The following TJP1 variants were observed in gnomAD, a reference collection of about 807,000 sequenced individuals.
TJP1 encodes tight junction protein 1, also known as tight junction protein ZO-1.
TJP1 carries 43 observed loss-of-function variants against 194.2 expected under a neutral mutation model. The observed-to-expected ratio is 0.22, with a 90% CI of 0.17 to 0.29. The LOEUF (loss-of-function observed/expected upper bound fraction) is 0.29, where lower values mean the gene tolerates loss of function less well. TJP1 is among the 10% of genes least tolerant of loss of function. TJP1 has a pLI of 1.00. For synonymous variants in TJP1, 801 were observed against 779.0 expected (o/e 1.03, Z -0.47); for missense variants, 1,971 against 2,185.7 (o/e 0.90, Z 1.96).
At chr15:29,763,193 A>T (rs1005235028) in intron 5 of TJP1, among the ~76,000 whole-genome samples, 3 of 152,200 alleles carry the variant, frequency 2.0e-5, no homozygotes, top group African/African-American at 7.2e-5. Flanking sequence ...GAGTGAGAAC[A>T]TCACTCCGTC....
chr15:29,939,744 G>A (rs1168407272), intron 2 of TJP1, among the ~76,000 whole-genome samples: 1 of 152,090 alleles, frequency 6.6e-6, no homozygotes, highest in African/African-American at 2.4e-5. Flanking sequence ...CTCATGAATG[G>A]GATTAGTGCC....
Position 29,733,185 on chromosome 15 carries a change from A to G in TJP1, c.1645T>C (p.Leu549=), listed in dbSNP as rs2043785766. The G allele has an allele frequency of 6.2e-7, 1 of 1,614,054 alleles. No individual in the cohort carries two copies. Among genetic ancestry groups the G allele is most frequent in the Non-Finnish European group, 8.5e-7 (1 of 1,180,022 alleles). Residue 549 remains leucine, a synonymous_variant, in exon 13 of 28, where the codon TTG becomes CTG. Coordinates refer to ENST00000614355, the MANE Select transcript of TJP1 (RefSeq NM_001330239.4). ...KGEVFRVVDT[L]YNGKLGSWLA... Reference sequence around the variant, plus strand: ...CAAGAGCCCAGTTTTCCATTGTACAAGGTATCCACAACACGGAACACCTCT... The same window carrying G: ...CAAGAGCCCAGTTTTCCATTGTACAGGGTATCCACAACACGGAACACCTCT...
chr15:29,715,423 AG>A (rs1186681252), intron 23 of TJP1, among the ~76,000 whole-genome samples: 2 of 152,232 alleles, frequency 1.3e-5, no homozygotes, highest in African/African-American at 4.8e-5. Flanking sequence ...TTCACTACAA[AG>A]GATGTCTTAG....
intron 2 of TJP1, among the ~76,000 whole-genome samples, chr15:29,900,886 T>C (rs2053613673): frequency 6.6e-6 from 1 of 152,100 alleles, no homozygotes; most frequent in African/African-American, 2.4e-5. Flanking sequence ...TCCTTTATAG[T>C]ACAAGCTTCC....
chr15:29,789,752 G>A (rs1466026637), intron 2 of TJP1, among the ~76,000 whole-genome samples: 1 of 152,074 alleles, frequency 6.6e-6, no homozygotes, highest in Non-Finnish European at 1.5e-5. Flanking sequence ...TGGCAATACA[G>A]AGTATCTATA....
At chr15:29,767,935 T>A (rs1861260443) in intron 4 of TJP1, among the ~76,000 whole-genome samples, 1 of 152,180 alleles carries the variant, frequency 6.6e-6, no homozygotes, top group African/African-American at 2.4e-5. Context: ...ATTACCATAC[T>A]CCAGGTTACC....
At chr15:29,741,066 ATTT>A in intron 10 of TJP1, 2 of 220,922 alleles carry the variant, frequency 9.1e-6, no homozygotes, top group South Asian at 9.5e-5. Flanking sequence ...TCTGAATAGA[ATTT>A]TTTTTTTTTT....
chr15:29,764,902 G>A (rs1338641041), intron 5 of TJP1, among the ~76,000 whole-genome samples: 2 of 152,072 alleles, frequency 1.3e-5, no homozygotes, highest in Non-Finnish European at 2.9e-5. Context: ...GGAAGCAGGG[G>A]AGCAGATGAG....
At chr15:29,742,842 G>C in intron 8 of TJP1, 61 bp from the exon 9 acceptor site, 1 of 1,481,988 alleles carries the variant, frequency 6.7e-7, no homozygotes, top group East Asian at 2.4e-5. Flanking sequence ...GCATCTGTAA[G>C]AGAACAGTAT....
At chr15:29,919,533 G>C (rs1282468279) in intron 2 of TJP1, among the ~76,000 whole-genome samples, 1 of 152,168 alleles carries the variant, frequency 6.6e-6, no homozygotes, top group East Asian at 1.9e-4. Flanking sequence ...AATATACCTT[G>C]TTAGGTAATG....
rs182876886 is a variant in TJP1, at chr15:29,886,595, C to T, written c.306+69637G>A. On this transcript the variant is annotated intron_variant, in intron 2 of 28. Transcript: ENST00000356107. The stretch of plus-strand genomic sequence containing the variant: ...CTCCAGCCTGAGCCATAGAGAGAGG[C>T]CATGTCTTAAAAAAAAAAGTAGGTC... Among the ~76,000 whole-genome samples the T allele has an allele frequency of 2.2e-3, 326 of 149,526 alleles. 2 individuals carry two copies. The highest frequency in any genetic ancestry group is 7.8e-3 in the African/African-American group (313 of 40,332).
At chr15:29,905,485 C>A (rs763014923) in intron 2 of TJP1, among the ~76,000 whole-genome samples, 1 of 152,060 alleles carries the variant, frequency 6.6e-6, no homozygotes, top group Non-Finnish European at 1.5e-5. Flanking sequence ...TCTTACCAAC[C>A]CATCCAGCCA....
Position 29,701,499 on chromosome 15 carries a change from A to C in TJP1, c.*96T>G, listed in dbSNP as rs904212729. 17 of 982,768 alleles carry C rather than the reference A, an allele frequency of 1.7e-5. No homozygotes were observed. Among genetic ancestry groups the C allele is most frequent in the Non-Finnish European group, 2.6e-5 (17 of 647,910 alleles). The allele number at this position is 982,768 out of a possible 1,614,324, so 60.9% of individuals were successfully genotyped here. On this transcript the variant is annotated 3_prime_UTR_variant, in exon 28 of 28. Transcript: ENST00000614355. ...ATGCCTCATACTAACAAACTGTAGT[A>C]TCAACTCTAAAAAAGGTATAATACT... is the stretch of plus-strand genomic sequence containing the variant.
At chr15:29,836,944 T>C (rs2051053805) in intron 2 of TJP1, among the ~76,000 whole-genome samples, 1 of 152,226 alleles carries the variant, frequency 6.6e-6, no homozygotes. Flanking sequence ...GCAGCCCCCT[T>C]GGACCTTGCA....
rs2291164 is a variant in TJP1 at position 29,716,567 on chromosome 15, A to G, written c.4202+44T>C. The stretch of plus-strand genomic sequence containing the variant: ...AAAATATATTGAACTGCACGGGATT[A>G]ATATGCTGCATCCTATTTTTAAAAG... On this transcript the variant is annotated intron_variant, in intron 23 of 27. Coordinates refer to ENST00000614355, the MANE Select transcript of TJP1 (RefSeq NM_001330239.4). The G allele has an allele frequency of 1.1e-3, 1,574 of 1,403,420 alleles. 30 individuals carry two copies. In the East Asian group the frequency reaches 0.031, roughly 28 times the overall value. The allele number at this position is 1,403,420 out of a possible 1,614,324, so 86.9% of individuals were successfully genotyped here.
exon 1 of TJP1, chr15:29,968,880 C>G (rs2056424168): frequency 2.7e-6 from 1 of 367,736 alleles, no homozygotes; most frequent in Non-Finnish European, 3.8e-6. Flanking sequence ...CAGCTCCCAC[C>G]GCTCCCGCGC....
intron 26 of TJP1, among the ~76,000 whole-genome samples, chr15:29,705,282 G>A (rs569095162): frequency 3.0e-4 from 45 of 152,300 alleles, no homozygotes; most frequent in African/African-American, 9.9e-4. Flanking sequence ...GAGACATCCC[G>A]TGGCCTGTCC....
chr15:29,701,759 A>G (rs187572428), intron 27 of TJP1, 70 bp from the exon 28 acceptor site: 175 of 1,120,788 alleles, frequency 1.6e-4, no homozygotes, highest in Non-Finnish European at 2.2e-4. Flanking sequence ...TTGCAATTAT[A>G]GGGCAAATAC....
chr15:29,802,177 G>A (rs1283064139), intron 1 of TJP1, among the ~76,000 whole-genome samples: 3 of 152,040 alleles, frequency 2.0e-5, no homozygotes, highest in African/African-American at 7.2e-5. Flanking sequence ...AAGTAAAAAG[G>A]GAGAAGGCTA....
Sources: gnomAD v4.1 joint callset for allele counts (sites outside exome capture counted in the v4.1 genomes callset) on GRCh38, gnomAD v4.1.1 for gene constraint, MANE v1.5 for transcripts, NCBI Gene and HGNC (gene_info 2026-07-23, HGNC 2026-07-21) for gene names.